KIAA0319: variants seen among roughly 807,000 people sequenced by gnomAD.
The protein encoded by KIAA0319 is KIAA0319, also known as dyslexia-associated protein KIAA0319.
Under a neutral mutation model 108.4 loss-of-function variants are expected in KIAA0319, and 83 were observed. That is an observed-to-expected ratio of 0.77 (90% CI 0.64 to 0.92). The LOEUF (loss-of-function observed/expected upper bound fraction) is 0.92. Among genes scored for constraint, KIAA0319 ranks in the 40% least tolerant of loss-of-function variants. The probability of loss-of-function intolerance (pLI) is 0.00; values close to 1 mark genes in which losing one functional copy is unlikely to be tolerated. For synonymous variants in KIAA0319, 484 were observed against 510.4 expected, an observed-to-expected ratio of 0.95 and a Z score of 0.70; for missense variants, 1,195 against 1,322.4, an observed-to-expected ratio of 0.90 and a Z score of 1.49.
chr6:24,556,119 A>C (rs1221201681), intron 18 of KIAA0319, among the ~76,000 whole-genome samples: 1 of 151,970 alleles, frequency 6.6e-6, no homozygotes, highest in East Asian at 1.9e-4. Context: ...CTAGGCAGAT[A>C]GTTCTCTTTT....
chr6:24,589,610 C>T (rs1768138953), intron 3 of KIAA0319, among the ~76,000 whole-genome samples: 1 of 152,162 alleles, frequency 6.6e-6, no homozygotes, highest in Admixed American at 6.5e-5. Flanking sequence ...GCTCTCTCAC[C>T]TGCTGCCATG....
chr6:24,569,461 T>C (rs1279977806), intron 12 of KIAA0319, among the ~76,000 whole-genome samples: 1 of 152,242 alleles, frequency 6.6e-6, no homozygotes, highest in African/African-American at 2.4e-5. Context: ...TTTCTTCAAC[T>C]TTAAATAGGA....
At chr6:24,607,770 T>G (rs549910123) in intron 1 of KIAA0319, among the ~76,000 whole-genome samples, 7 of 152,324 alleles carry the variant, frequency 4.6e-5, no homozygotes, top group African/African-American at 1.7e-4. Context: ...CTACTAATAG[T>G]AACAATTTTA....
At chr6:24,543,272 G>C (rs1760275811), downstream of KIAA0319, among the ~76,000 whole-genome samples, 1 of 152,218 alleles carries the variant, frequency 6.6e-6, no homozygotes, top group Non-Finnish European at 1.5e-5. Flanking sequence ...GTGATTGCCA[G>C]GGGAGAGGGG....
At position 24,569,911 on chromosome 6, in the gene KIAA0319, C is replaced by T. The variant is rs1396066256; in HGVS notation, c.1983G>A (p.Glu661=). ...DDHGIVFYHW[E]HVRGPSAVEM... ...GTGGCGAGACAGACTACCTGACGTGCTCCCAGTGGTAGAAGACAATGCCGT... is the reference window on the plus strand; with the variant it reads ...GTGGCGAGACAGACTACCTGACGTGTTCCCAGTGGTAGAAGACAATGCCGT... The change falls in exon 12 of 21, where the codon GAG becomes GAA. Residue 661 remains glutamate (E), a synonymous_variant. Coordinates refer to ENST00000378214, the MANE Select transcript of KIAA0319 (RefSeq NM_014809.4). 1.9e-6 allele frequency: 3 copies of T among 1,614,078 alleles called. No individual in the cohort carries two copies. The highest frequency in any genetic ancestry group is 1.7e-5 in the Admixed American group (1 of 60,024).
chr6:24,592,035 C>T (rs1768569114), intron 3 of KIAA0319, among the ~76,000 whole-genome samples: 1 of 152,128 alleles, frequency 6.6e-6, no homozygotes, highest in Non-Finnish European at 1.5e-5. Flanking sequence ...AAAGTTTCTA[C>T]TTTTTATTAA....
rs397974257 is a variant in KIAA0319, at chr6:24,629,514, C to CAAAAA, written c.-106+16217_-106+16221dup. On this transcript the variant is annotated intron_variant, in intron 1 of 20. Transcript: ENST00000378214. ...TGGGCAACAGAGTGAGACTCTGTCT[C>CAAAAA]AAAAAAAAAAAAAAAAAGAAAGAAA... is the stretch of plus-strand genomic sequence containing the variant. 1.2e-4 allele frequency among the ~76,000 whole-genome samples: 5 copies of CAAAAA among 42,398 alleles called. 1 individual carries two copies. The East Asian group carries it at 3.6e-3, about 30-fold the overall frequency. The allele number at this position is 42,398 out of a possible 152,430, so 27.8% of individuals were successfully genotyped here. A position where few individuals can be genotyped will look rare whatever the true frequency, so the allele number is the denominator to read the frequency against.
rs189006840 is a variant in KIAA0319, at chr6:24,634,298, C to T, written c.-106+11438G>A. Among the ~76,000 whole-genome samples the T allele has an allele frequency of 3.8e-3, 577 of 152,312 alleles. 1 individual carries two copies. The highest frequency in any genetic ancestry group is 6.8e-3 in the Middle Eastern group (2 of 294). ...ATACAAGCACACCTCGAAACACACA[C>T]TACCTTGATTCAAGTGAGTTCTACA... On this transcript the variant is annotated intron_variant, in intron 1 of 20. Transcript: ENST00000378214.
Position 24,596,228 on chromosome 6 carries a change from C to A in KIAA0319, c.446G>T (p.Gly149Val). 2 of 1,614,192 alleles carry A rather than the reference C, an allele frequency of 1.2e-6. No individual in the cohort carries two copies. Among genetic ancestry groups the A allele is most frequent in the Non-Finnish European group, 1.7e-6 (2 of 1,180,038 alleles). The change falls in exon 3 of 21, where the codon GGC (glycine) becomes GTC (valine). Residue 149 changes from glycine (G) to valine (V), a missense_variant. Transcript: ENST00000378214. ...TGAGTACTCAGACATCTCCTCTAGG[C>A]CCCAATCTTTGCCTAGAAAGGTCAA... is the stretch of plus-strand genomic sequence containing the variant. ...KDLTFLGKDW[G>V]LEEMSEYSDD...
chr6:24,570,316 A>G (rs970778747), intron 11 of KIAA0319, among the ~76,000 whole-genome samples: 5 of 152,184 alleles, frequency 3.3e-5, no homozygotes, highest in Admixed American at 6.5e-5. Context: ...TCGGCCGGGC[A>G]CAGTGGCTCA....
At chr6:24,638,628 C>T (rs542362541) in intron 1 of KIAA0319, among the ~76,000 whole-genome samples, 3 of 152,062 alleles carry the variant, frequency 2.0e-5, no homozygotes, top group African/African-American at 7.2e-5. Flanking sequence ...GGCGTGGTAG[C>T]GGGTGCCTGT....
In KIAA0319 at chr6:24,618,597, C is replaced by T. The variant is rs889216379; in HGVS notation, c.-105-17389G>A. Among the ~76,000 whole-genome samples, 6 of 151,810 alleles carry T rather than the reference C, an allele frequency of 4.0e-5. No homozygotes were observed. In the South Asian group the frequency reaches 8.3e-4, roughly 21 times the overall value. On this transcript the variant is annotated intron_variant, in intron 1 of 20. Transcript: ENST00000378214. ...TCCAGCCTGGGCAACAGAGCAAGACCCTGTCTCAAAAGAACAAAACACCCC... is the reference window on the plus strand; with the variant it reads ...TCCAGCCTGGGCAACAGAGCAAGACTCTGTCTCAAAAGAACAAAACACCCC...
At chr6:24,626,828 A>G (rs181305369) in intron 1 of KIAA0319, among the ~76,000 whole-genome samples, 41 of 152,298 alleles carry the variant, frequency 2.7e-4, no homozygotes, top group African/African-American at 8.4e-4. Flanking sequence ...TTATTGTGCA[A>G]TTAGTTTTGG....
downstream of KIAA0319, among the ~76,000 whole-genome samples, chr6:24,541,318 GTC>G (rs1262462750): frequency 6.6e-6 from 1 of 152,168 alleles, no homozygotes; most frequent in Non-Finnish European, 1.5e-5. Context: ...TGCCCCAGAT[GTC>G]TCTCTGCAGG....
At position 24,599,115 on chromosome 6, in the gene KIAA0319, G is replaced by C. The variant is rs1770211942; in HGVS notation, c.55+1934C>G. The C allele has an allele frequency of 4.4e-6, 3 of 674,548 alleles. No homozygotes were observed. Among genetic ancestry groups the C allele is most frequent in the Non-Finnish European group, 7.9e-6 (3 of 380,712 alleles). 41.8% of individuals were successfully genotyped at this position (674,548 alleles called of 1,614,324 possible). Reference sequence around the variant, plus strand: ...GTCCATGGACAACAGCTGGTCCCTGGACATGGACAGCATCATTGCTGAGGT... The same window carrying C: ...GTCCATGGACAACAGCTGGTCCCTGCACATGGACAGCATCATTGCTGAGGT... On this transcript the variant is annotated intron_variant, in intron 2 of 20. Transcript: ENST00000378214. This position sits in a 1 kb window ranked among gnomAD's most constrained non-coding sequence, Gnocchi z 4.1.
chr6:24,589,212 T>A (rs1402268767), intron 3 of KIAA0319, among the ~76,000 whole-genome samples: 1 of 152,170 alleles, frequency 6.6e-6, no homozygotes, highest in Non-Finnish European at 1.5e-5. Context: ...CCTTCATAAA[T>A]GGGATTCGTG....
chr6:24,545,147 A>G lies in KIAA0319; in HGVS notation c.*2018T>C, dbSNP rs1760474430. 1 of 152,198 alleles carries G rather than the reference A, an allele frequency of 6.6e-6. No individual in the cohort carries two copies. Among genetic ancestry groups the G allele is most frequent in the Non-Finnish European group, 1.5e-5 (1 of 68,032 alleles). The allele number at this position is 152,198 out of a possible 1,614,324, so 9.4% of individuals were successfully genotyped here. A position where few individuals can be genotyped will look rare whatever the true frequency, so the allele number is the denominator to read the frequency against. ...TTCCACCAGAATTTGCCCTCCATCCATCAAGGCAGGAGTTCTTTGTTTAGT... is the reference window on the plus strand; with the variant it reads ...TTCCACCAGAATTTGCCCTCCATCCGTCAAGGCAGGAGTTCTTTGTTTAGT... On this transcript the variant is annotated 3_prime_UTR_variant, in exon 21 of 21. Transcript: ENST00000378214.
chr6:24,607,142 G>A (rs1437379106), intron 1 of KIAA0319, among the ~76,000 whole-genome samples: 1 of 152,204 alleles, frequency 6.6e-6, no homozygotes, highest in Non-Finnish European at 1.5e-5. Flanking sequence ...GATCACCTGA[G>A]GTCAGGAATT....
chr6:24,594,287 T>G (rs529605260), intron 3 of KIAA0319, among the ~76,000 whole-genome samples: 2 of 124,896 alleles, frequency 1.6e-5, no homozygotes, highest in African/African-American at 3.1e-5. Context: ...AGGAAAAATA[T>G]AGACACTTCA....
Sources: gnomAD v4.1 joint callset for allele counts (sites outside exome capture counted in the v4.1 genomes callset) on GRCh38, gnomAD v4.1.1 for gene constraint, Gnocchi (gnomAD v3.1) non-coding constraint, MANE v1.5 for transcripts, NCBI Gene and HGNC (gene_info 2026-07-23, HGNC 2026-07-21) for gene names.